The following GRM8 variants were observed in gnomAD, a reference collection of about 807,000 sequenced individuals.
GRM8 encodes the protein glutamate metabotropic receptor 8.
GRM8 carries 47 observed loss-of-function variants against 87.2 expected under a neutral mutation model. The observed-to-expected ratio is 0.54, with a 90% confidence interval of 0.43 to 0.69. The LOEUF (loss-of-function observed/expected upper bound fraction) is 0.69, where lower values mean the gene tolerates loss of function less well. Among genes scored for constraint, GRM8 ranks in the 30% least tolerant of loss-of-function variants. The pLI, the probability that GRM8 is intolerant of heterozygous loss-of-function variation, is 0.00. For synonymous variants in GRM8, 396 were observed against 404.5 expected, an observed-to-expected ratio of 0.98 and a Z score of 0.25; for missense variants, 1,019 against 1,139.2, an observed-to-expected ratio of 0.89 and a Z score of 1.52.
chr7:127,025,367 A>G (rs1816680246), intron 3 of GRM8, among the ~76,000 whole-genome samples: 1 of 152,068 alleles, frequency 6.6e-6, no homozygotes, highest in Non-Finnish European at 1.5e-5. Flanking sequence ...CATACCCAGG[A>G]GAAAAGCTGC....
At chr7:126,761,590 C>T (rs1189079162) in intron 7 of GRM8, among the ~76,000 whole-genome samples, 1 of 152,150 alleles carries the variant, frequency 6.6e-6, no homozygotes, top group Non-Finnish European at 1.5e-5. Context: ...AACACTTACC[C>T]TAGCACTTCA....
At chr7:126,967,146 T>C (rs1809956491) in intron 3 of GRM8, among the ~76,000 whole-genome samples, 1 of 132,400 alleles carries the variant, frequency 7.6e-6, no homozygotes, top group African/African-American at 3.0e-5. Context: ...TGGCACTGCC[T>C]TGTTTACTCT....
At chr7:126,871,587 C>A (rs1799100591) in intron 6 of GRM8, among the ~76,000 whole-genome samples, 1 of 152,080 alleles carries the variant, frequency 6.6e-6, no homozygotes. Flanking sequence ...TTATAGTAAG[C>A]CAAGATTAGC....
intron 9 of GRM8, among the ~76,000 whole-genome samples, chr7:126,498,214 T>TC (rs1562884977): frequency 6.6e-6 from 1 of 151,952 alleles, no homozygotes. Context: ...AAGCTGCAAG[T>TC]ACTTTAAGAA....
intron 6 of GRM8, among the ~76,000 whole-genome samples, chr7:126,897,512 T>C (rs1390579305): frequency 6.6e-6 from 1 of 151,238 alleles, no homozygotes; most frequent in East Asian, 1.9e-4. Flanking sequence ...CTCAAGAGAG[T>C]CTGTGGGTGT....
chr7:126,570,914 T>G (rs907404674), intron 8 of GRM8, among the ~76,000 whole-genome samples: 1 of 152,182 alleles, frequency 6.6e-6, no homozygotes, highest in Non-Finnish European at 1.5e-5. Flanking sequence ...GCAGAATGAG[T>G]TGTGATGATA....
At chr7:126,877,082 A>T (rs960027744) in intron 6 of GRM8, among the ~76,000 whole-genome samples, 8 of 152,012 alleles carry the variant, frequency 5.3e-5, no homozygotes, top group Admixed American at 4.6e-4. Context: ...AATCTAACAA[A>T]TTTTTTTCCC....
chr7:127,162,962 T>G (rs1433084536), intron 2 of GRM8, among the ~76,000 whole-genome samples: 1 of 152,162 alleles, frequency 6.6e-6, no homozygotes, highest in Non-Finnish European at 1.5e-5. Flanking sequence ...AGTAGATTAT[T>G]GTATTTAGTT....
chr7:126,837,707 G>A (rs1795931342), intron 6 of GRM8, among the ~76,000 whole-genome samples: 1 of 152,204 alleles, frequency 6.6e-6, no homozygotes, highest in African/African-American at 2.4e-5. Flanking sequence ...GGCCTAACGG[G>A]CCTGGACAGC....
At chr7:126,445,953 T>G in intron 10 of GRM8, 173 bp downstream of exon 10, 1 of 727,354 alleles carries the variant, frequency 1.4e-6, no homozygotes, top group South Asian at 1.7e-5. Flanking sequence ...CCGCTCATCT[T>G]GAGACCATTT....
At chr7:126,794,124 G>A (rs1014481801) in intron 6 of GRM8, among the ~76,000 whole-genome samples, 1 of 151,766 alleles carries the variant, frequency 6.6e-6, no homozygotes, top group Non-Finnish European at 1.5e-5. Flanking sequence ...GCTAAAATCA[G>A]ACAGAATGTC....
chr7:126,821,291 T>C (rs1482038503), intron 6 of GRM8, among the ~76,000 whole-genome samples: 2 of 152,194 alleles, frequency 1.3e-5, no homozygotes, highest in Non-Finnish European at 2.9e-5. Context: ...CCTTCAAGCA[T>C]TTAAATATAC....
chr7:126,530,452 C>T (rs184518868), intron 9 of GRM8, among the ~76,000 whole-genome samples: 13 of 152,286 alleles, frequency 8.5e-5, no homozygotes, highest in Admixed American at 4.6e-4. Flanking sequence ...TTGCTGGTGC[C>T]GGCAGGCATC....
At chr7:126,911,255 TTCATCA>T (rs1274589028) in intron 3 of GRM8, among the ~76,000 whole-genome samples, 2 of 152,228 alleles carry the variant, frequency 1.3e-5, no homozygotes, top group Non-Finnish European at 2.9e-5. Flanking sequence ...GATTTCACTC[TTCATCA>T]TTGTTGATTA....
intron 7 of GRM8, among the ~76,000 whole-genome samples, chr7:126,748,210 A>G (rs1362933855): frequency 6.6e-6 from 1 of 152,108 alleles, no homozygotes; most frequent in Non-Finnish European, 1.5e-5. Flanking sequence ...TTGGAAAGGA[A>G]GTAATAAAAC....
At chr7:126,820,201 A>G (rs1298914465) in intron 6 of GRM8, among the ~76,000 whole-genome samples, 1 of 152,262 alleles carries the variant, frequency 6.6e-6, no homozygotes, top group Non-Finnish European at 1.5e-5. Flanking sequence ...AAAATAAAAT[A>G]TTTGAAATAC....
intron 7 of GRM8, among the ~76,000 whole-genome samples, chr7:126,708,250 A>G (rs1276761750): frequency 1.3e-5 from 2 of 152,090 alleles, no homozygotes; most frequent in Non-Finnish European, 2.9e-5. Context: ...AGAAATGTGG[A>G]AAAATGAAAC....
intron 3 of GRM8, among the ~76,000 whole-genome samples, chr7:127,067,536 C>G (rs1476200620): frequency 6.6e-6 from 1 of 152,174 alleles, no homozygotes; most frequent in Non-Finnish European, 1.5e-5. Context: ...CCGAAACTAT[C>G]TGGAACAGTC....
intron 2 of GRM8, among the ~76,000 whole-genome samples, chr7:127,149,281 G>T (rs897778037): frequency 2.2e-4 from 33 of 151,824 alleles, no homozygotes; most frequent in African/African-American, 6.8e-4. Flanking sequence ...CTCCAAAGAA[G>T]ACATAAAAAT....
Sources: allele counts gnomAD v4.1 joint callset (sites outside exome capture counted in the v4.1 genomes callset), GRCh38; gene constraint gnomAD v4.1.1; transcripts MANE v1.5; gene names NCBI Gene and HGNC (gene_info 2026-07-23, HGNC 2026-07-21).